AGBL1: variants seen among roughly 807,000 people sequenced by gnomAD.
AGBL1 encodes AGBL carboxypeptidase 1, also known as cytosolic carboxypeptidase 4.
A neutral mutation model predicts 118.9 loss-of-function variants in AGBL1; 130 were observed. The observed-to-expected ratio is 1.09, with a 90% CI of 0.95 to 1.26. The LOEUF is 1.26. Ranked by LOEUF, AGBL1 falls within the 50% of genes most tolerant of loss-of-function variation. The pLI, the probability that AGBL1 is intolerant of heterozygous loss-of-function variation, is 0.00. For synonymous variants in AGBL1, 555 were observed against 478.9 expected (o/e 1.16, Z -2.08); for missense variants, 1,584 against 1,298.1 (o/e 1.22, Z -3.38).
At chr15:86,085,742 T>C (rs1160913712) in intron 1 of AGBL1, among the ~76,000 whole-genome samples, 2 of 152,182 alleles carry the variant, frequency 1.3e-5, no homozygotes, top group Non-Finnish European at 1.5e-5. Context: ...GCTCAGGGAT[T>C]GGGGCAGGAG....
intron 15 of AGBL1, among the ~76,000 whole-genome samples, chr15:86,279,204 G>A (rs986292224): frequency 2.6e-5 from 4 of 152,178 alleles, no homozygotes; most frequent in East Asian, 1.9e-4. Context: ...CAGGTGGAGC[G>A]GAAAGGAAGG....
chr15:86,505,833 G>GT (rs1287261424), intron 18 of AGBL1, among the ~76,000 whole-genome samples: 2 of 151,226 alleles, frequency 1.3e-5, no homozygotes, highest in Non-Finnish European at 3.0e-5. Context: ...ATGCTTTTTT[G>GT]TTTTTTTAAT....
intron 17 of AGBL1, among the ~76,000 whole-genome samples, chr15:86,355,936 G>A (rs2080707835): frequency 6.6e-6 from 1 of 152,186 alleles, no homozygotes; most frequent in Admixed American, 6.5e-5. Flanking sequence ...AGAATTTAAT[G>A]ATGCACTCAT....
At chr15:86,569,288 G>A (rs964708085) in intron 21 of AGBL1, among the ~76,000 whole-genome samples, 11 of 151,664 alleles carry the variant, frequency 7.3e-5, no homozygotes, top group African/African-American at 2.4e-4. Context: ...AAAATCAGCC[G>A]ACCATGGTGG....
intron 21 of AGBL1, among the ~76,000 whole-genome samples, chr15:86,600,803 A>G (rs1411781688): frequency 6.6e-6 from 1 of 152,148 alleles, no homozygotes; most frequent in Non-Finnish European, 1.5e-5. Flanking sequence ...TAAAAGAGAG[A>G]AAAATGGGCT....
intron 22 of AGBL1, among the ~76,000 whole-genome samples, chr15:86,676,020 A>G (rs1223751217): frequency 1.3e-5 from 2 of 152,166 alleles, no homozygotes; most frequent in Non-Finnish European, 2.9e-5. Flanking sequence ...AGGAGATAGT[A>G]TTATTTGCCT....
chr15:86,111,774 G>C (rs905367571), intron 1 of AGBL1, among the ~76,000 whole-genome samples: 1 of 152,180 alleles, frequency 6.6e-6, no homozygotes, highest in African/African-American at 2.4e-5. Context: ...CCACAGACTG[G>C]TAGGAACAAG....
intron 18 of AGBL1, among the ~76,000 whole-genome samples, chr15:86,485,626 A>G (rs2082702862): frequency 6.6e-6 from 1 of 152,126 alleles, no homozygotes; most frequent in African/African-American, 2.4e-5. Context: ...CGCAAAATAT[A>G]CATCTGATTT....
chr15:86,820,785 A>C (rs1208342519), intron 22 of AGBL1, among the ~76,000 whole-genome samples: 2 of 152,158 alleles, frequency 1.3e-5, no homozygotes, highest in African/African-American at 4.8e-5. Flanking sequence ...TTCCTCAAGG[A>C]TCTAGAATCA....
intron 1 of AGBL1, among the ~76,000 whole-genome samples, chr15:86,104,399 C>G (rs1358863820): frequency 6.6e-6 from 1 of 152,110 alleles, no homozygotes; most frequent in Non-Finnish European, 1.5e-5. Context: ...TGCTTTCACC[C>G]CAGTTGATGG....
intron 1 of AGBL1, among the ~76,000 whole-genome samples, chr15:86,133,325 C>T (rs1035656361): frequency 6.6e-6 from 1 of 152,140 alleles, no homozygotes; most frequent in African/African-American, 2.4e-5. Context: ...TCTGCTAGTT[C>T]ACTTTTGTTT....
At chr15:86,273,153 G>T (rs1567171081) in intron 15 of AGBL1, among the ~76,000 whole-genome samples, 1 of 68,018 alleles carries the variant, frequency 1.5e-5, no homozygotes, top group East Asian at 2.3e-4. Flanking sequence ...ATAAATTCCA[G>T]TTGAGGATGC....
At chr15:86,743,655 G>A (rs2141240443) in intron 22 of AGBL1, among the ~76,000 whole-genome samples, 1 of 152,204 alleles carries the variant, frequency 6.6e-6, no homozygotes, top group South Asian at 2.1e-4. Context: ...GGTTCTGGAG[G>A]GCTAATGTAG....
chr15:87,023,337 T>A (rs897426889), intron 24 of AGBL1, among the ~76,000 whole-genome samples: 1 of 151,994 alleles, frequency 6.6e-6, no homozygotes, highest in Non-Finnish European at 1.5e-5. Context: ...GCTATAGTTA[T>A]GTAAGAAAAA....
intron 5 of AGBL1, among the ~76,000 whole-genome samples, chr15:86,183,558 G>A (rs1053072145): frequency 6.6e-6 from 1 of 152,100 alleles, no homozygotes; most frequent in Non-Finnish European, 1.5e-5. Flanking sequence ...AAACAGAAAT[G>A]ACTAAATGAC....
chr15:86,629,995 T>C (rs1252044421), intron 21 of AGBL1, among the ~76,000 whole-genome samples: 1 of 152,252 alleles, frequency 6.6e-6, no homozygotes, highest in African/African-American at 2.4e-5. Context: ...CAGATGCTTA[T>C]TGCAATTGCA....
intron 22 of AGBL1, among the ~76,000 whole-genome samples, chr15:86,818,475 G>A (rs527764211): frequency 3.3e-5 from 5 of 152,320 alleles, no homozygotes; most frequent in Non-Finnish European, 7.4e-5. Context: ...ATGATCTGAG[G>A]TGGAACAGTT....
intron 22 of AGBL1, among the ~76,000 whole-genome samples, chr15:86,825,883 GGATGGATAGATAGATAGATA>G (rs768703740): frequency 1.1e-4 from 13 of 114,694 alleles, no homozygotes; most frequent in African/African-American, 1.9e-4. Context: ...GATGATAGAT[GGATGGATAGATAGATAGATA>G]GATAGATAGA....
chr15:86,334,601 T>C (rs2080329200), intron 17 of AGBL1, among the ~76,000 whole-genome samples: 1 of 152,206 alleles, frequency 6.6e-6, no homozygotes, highest in Non-Finnish European at 1.5e-5. Flanking sequence ...ATCTATATTT[T>C]CTATGCTATT....
Sources: gnomAD v4.1 joint callset for allele counts (sites outside exome capture counted in the v4.1 genomes callset) on GRCh38, gnomAD v4.1.1 for gene constraint, MANE v1.5 for transcripts, NCBI Gene and HGNC (gene_info 2026-07-23, HGNC 2026-07-21) for gene names.